EVC: variants seen among roughly 807,000 people sequenced by gnomAD.
The protein encoded by EVC is EvC ciliary complex subunit 1.
A neutral mutation model predicts 118.9 loss-of-function variants in EVC; 116 were observed. That is an observed-to-expected ratio of 0.98 (90% CI 0.84 to 1.14). EVC has a LOEUF of 1.14. EVC is among the 50% of genes most tolerant of loss of function. The pLI, the probability that EVC is intolerant of heterozygous loss-of-function variation, is 0.00. For missense variants in EVC, 1,401 were observed against 1,246.4 expected, an observed-to-expected ratio of 1.12 and a Z score of -1.87; for synonymous variants, 619 against 534.7, an observed-to-expected ratio of 1.16 and a Z score of -2.18.
intron 17 of EVC, among the ~76,000 whole-genome samples, chr4:5,805,258 C>A (rs773512088): frequency 1.2e-4 from 18 of 152,182 alleles, no homozygotes; most frequent in Non-Finnish European, 2.1e-4. Flanking sequence ...GAGGTGGCTG[C>A]TTCCTGTAAC....
At chr4:5,732,574 A>T (rs1056642267) in intron 4 of EVC, among the ~76,000 whole-genome samples, 2 of 152,250 alleles carry the variant, frequency 1.3e-5, no homozygotes, top group Admixed American at 6.5e-5. Context: ...ACACTCTGCC[A>T]TGTATCTGCC....
At chr4:5,777,829 G>A (rs1204949330) in intron 11 of EVC, among the ~76,000 whole-genome samples, 1 of 115,000 alleles carries the variant, frequency 8.7e-6, no homozygotes, top group Non-Finnish European at 1.8e-5. Context: ...TGATTTGAAT[G>A]AAATTTTTTG....
chr4:5,768,840 A>T (rs1733464525), intron 11 of EVC, among the ~76,000 whole-genome samples: 1 of 61,502 alleles, frequency 1.6e-5, no homozygotes, highest in South Asian at 3.5e-4. Flanking sequence ...CTGGTGACAG[A>T]GCAAAACTCT....
intron 11 of EVC, among the ~76,000 whole-genome samples, chr4:5,771,824 A>G: frequency 6.6e-6 from 1 of 152,148 alleles, no homozygotes. Flanking sequence ...GACTGAGAAA[A>G]ATAGGCTGGG....
Position 5,778,141 on chromosome 4 carries a change from A to G in EVC, c.1564-5411A>G, listed in dbSNP as rs1273923578. Among the ~76,000 whole-genome samples the G allele has an allele frequency of 5.3e-5, 8 of 151,340 alleles. 1 individual carries two copies. The highest frequency in any genetic ancestry group is 4.6e-4 in the Admixed American group (7 of 15,224). On this transcript the variant is annotated intron_variant, in intron 11 of 20. Transcript: ENST00000264956. The stretch of plus-strand genomic sequence containing the variant: ...ACTGAGAATGATGATTTCCAATTTC[A>G]TCCATGTCCCTACAAAGGACATGAA...
intron 11 of EVC, among the ~76,000 whole-genome samples, chr4:5,771,267 C>T (rs1733909689): frequency 6.6e-6 from 1 of 152,108 alleles, no homozygotes; most frequent in African/African-American, 2.4e-5. Flanking sequence ...CTTGACTTTT[C>T]CAGTTTCTAA....
the EVC span, chr4:5,825,575 C>G: frequency 6.2e-7 from 1 of 1,600,988 alleles, no homozygotes. This position sits in a 1 kb window ranked among gnomAD's most constrained non-coding sequence, Gnocchi z 4.4. Context: ...GCTGAAGGAG[C>G]GGGAGTTGCA....
chr4:5,763,368 T>G (rs1156843679), intron 11 of EVC, among the ~76,000 whole-genome samples: 5 of 147,334 alleles, frequency 3.4e-5, no homozygotes, highest in Non-Finnish European at 6.0e-5. Context: ...GGCTTAGGAT[T>G]GACTTGGCGA....
At chr4:5,775,865 A>G (rs113162154) in intron 11 of EVC, among the ~76,000 whole-genome samples, 12 of 152,338 alleles carry the variant, frequency 7.9e-5, no homozygotes, top group Middle Eastern at 3.4e-3. Flanking sequence ...TTTGGAATTT[A>G]TAGGTCAATT....
chr4:5,752,343 G>A (rs552474403), intron 8 of EVC, among the ~76,000 whole-genome samples: 8 of 152,162 alleles, frequency 5.3e-5, no homozygotes, highest in South Asian at 2.1e-4. Context: ...ATCTGACTGC[G>A]GGGAGTCGTG....
chr4:5,753,111 T>A, intron 9 of EVC, 59 bp downstream of exon 9: 1 of 1,483,694 alleles, frequency 6.7e-7, no homozygotes, highest in Non-Finnish European at 9.2e-7. Flanking sequence ...TCCCTGGGGC[T>A]GTGCAGTGAG....
At chr4:5,735,597 TG>T (rs1006097943) in intron 5 of EVC, among the ~76,000 whole-genome samples, 1 of 152,212 alleles carries the variant, frequency 6.6e-6, no homozygotes, top group African/African-American at 2.4e-5. Flanking sequence ...ACGTACACTC[TG>T]GTAGGCTCAG....
rs978633174 is a variant in EVC at position 5,789,788 on chromosome 4, C to G, written c.1777-3820C>G. Among the ~76,000 whole-genome samples the G allele has an allele frequency of 6.6e-6, 1 of 152,172 alleles. No individual in the cohort carries two copies. Among genetic ancestry groups the G allele is most frequent in the Non-Finnish European group, 1.5e-5 (1 of 68,046 alleles). Reference sequence around the variant, plus strand: ...TCTGGTCCAGAGATCTTGACCTTATCGATCATCATCGAATCCTGTTGCTAG... The same window carrying G: ...TCTGGTCCAGAGATCTTGACCTTATGGATCATCATCGAATCCTGTTGCTAG... On this transcript the variant is annotated intron_variant, in intron 12 of 20. Transcript: ENST00000264956. This position sits in a 1 kb window ranked among gnomAD's most constrained non-coding sequence, Gnocchi z 4.3.
chr4:5,779,762 A>C (rs1190345174), intron 11 of EVC, among the ~76,000 whole-genome samples: 3 of 136,174 alleles, frequency 2.2e-5, no homozygotes, highest in African/African-American at 8.8e-5. Flanking sequence ...GGGGTTTTCT[A>C]GATATACAAT....
At chr4:5,822,344 A>G in the EVC span, among the ~76,000 whole-genome samples, 2 of 152,220 alleles carry the variant, frequency 1.3e-5, no homozygotes, top group African/African-American at 2.4e-5. Flanking sequence ...TTCAAAGCCC[A>G]TGATCTTAGG....
At position 5,733,350 on chromosome 4, in the gene EVC, G is replaced by A; in HGVS notation, c.618-1G>A. ...TTTCCGCTTCTCATTTTATTTTGCA[G>A]TGTAGACGTTGACCTGTGTATCTAC... On this transcript the variant is annotated splice_acceptor_variant, in intron 4 of 20. Coordinates refer to ENST00000264956, the MANE Select transcript of EVC (RefSeq NM_153717.3). LOFTEE classifies it high-confidence loss of function. 6.2e-7 allele frequency: 1 copy of A among 1,613,298 alleles called. No homozygotes were observed. Among genetic ancestry groups the A allele is most frequent in the Non-Finnish European group, 8.5e-7 (1 of 1,179,262 alleles).
chr4:5,804,972 A>C (rs1577650835), intron 17 of EVC, 131 bp downstream of exon 17: 1 of 783,342 alleles, frequency 1.3e-6, no homozygotes, highest in Non-Finnish European at 2.2e-6. Flanking sequence ...GGCCTTCCTC[A>C]CCCGCTGCCT....
At chr4:5,821,861 A>G in the EVC span, 2 of 1,552,798 alleles carry the variant, frequency 1.3e-6, no homozygotes, top group Non-Finnish European at 1.7e-6. The surrounding 1 kb of genome is among the most constrained non-coding windows in gnomAD (Gnocchi z 4.4). Flanking sequence ...CCTGAAAGAG[A>G]GCGCCAATCG....
At chr4:5,804,631 G>A (rs781056394) in intron 16 of EVC, 99 bp from the exon 17 acceptor site, 2 of 923,584 alleles carry the variant, frequency 2.2e-6, no homozygotes, top group South Asian at 1.4e-5. Context: ...TTGGAGAGCT[G>A]GTGTGTCTCA....
Sources: allele counts gnomAD v4.1 joint callset (sites outside exome capture counted in the v4.1 genomes callset), GRCh38; gene constraint gnomAD v4.1.1; non-coding constraint Gnocchi (gnomAD v3.1); transcripts MANE v1.5; gene names NCBI Gene and HGNC (gene_info 2026-07-23, HGNC 2026-07-21).